Variants in AATK observed in about 807,000 individuals in gnomAD.
The protein encoded by AATK is lemur tail kinase 1.
AATK carries 91 observed loss-of-function variants against 114.3 expected under a neutral mutation model. That is an observed-to-expected ratio of 0.80 (90% confidence interval 0.67 to 0.95). The LOEUF (loss-of-function observed/expected upper bound fraction) is 0.95, where lower values mean the gene tolerates loss of function less well. Among genes scored for constraint, AATK ranks in the 40% least tolerant of loss-of-function variants. AATK has a pLI of 0.00. For missense variants in AATK, 2,176 were observed against 1,965.2 expected, an observed-to-expected ratio of 1.11 and a Z score of -2.03; for synonymous variants, 1,075 against 916.5, an observed-to-expected ratio of 1.17 and a Z score of -3.12.
chr17:81,123,078 G>A, intron 10 of AATK, 116 bp downstream of exon 10: 3 of 1,191,640 alleles, frequency 2.5e-6, no homozygotes, highest in Non-Finnish European at 3.3e-6. Flanking sequence ...TACCAGAGGG[G>A]AGGGGAGACC....
intron 1 of AATK, among the ~76,000 whole-genome samples, chr17:81,162,954 C>T (rs1231658103): frequency 6.6e-6 from 1 of 152,196 alleles, no homozygotes; most frequent in Non-Finnish European, 1.5e-5. Flanking sequence ...AGGCACTGCC[C>T]AGGTACCCAC....
intron 1 of AATK, chr17:81,165,511 C>T (rs1010119069): frequency 4.7e-6 from 3 of 637,350 alleles, no homozygotes; most frequent in East Asian, 6.5e-5. Context: ...CTCTGAGAAT[C>T]GCTCCCAGCC....
At chr17:81,124,582 A>G (rs1042281405) in intron 9 of AATK, 145 bp downstream of exon 9, 13 of 1,409,954 alleles carry the variant, frequency 9.2e-6, no homozygotes, top group African/African-American at 1.4e-5. Context: ...TCGCCACCCA[A>G]CCAGCCACTT....
intron 13 of AATK, among the ~76,000 whole-genome samples, chr17:81,118,960 G>A (rs953240315): frequency 1.3e-5 from 2 of 152,238 alleles, no homozygotes; most frequent in Non-Finnish European, 1.5e-5. Flanking sequence ...GGAGGGCCAT[G>A]GCCGGGAGCG....
At chr17:81,156,373 C>T (rs1285902445) in intron 1 of AATK, among the ~76,000 whole-genome samples, 1 of 151,928 alleles carries the variant, frequency 6.6e-6, no homozygotes, top group Non-Finnish European at 1.5e-5. Flanking sequence ...CAAATAAATC[C>T]CTTTTCAAAT....
Position 81,121,719 on chromosome 17 carries a change from T to C in AATK, c.2217A>G (p.Pro739=). The change falls in exon 11 of 14, where the codon CCA becomes CCG. Residue 739 remains proline (P), a synonymous_variant. Transcript: ENST00000326724. ...LGLQAASAQE[P]GCCPGLPHLC... ...GATGAGGGAGGCCGGGGCAGCAGCC[T>C]GGCTCCTGGGCAGAGGCTGCCTGGA... 1 of 1,494,828 alleles carries C rather than the reference T, an allele frequency of 6.7e-7. No individual in the cohort carries two copies. Among genetic ancestry groups the C allele is most frequent in the Non-Finnish European group, 8.9e-7 (1 of 1,127,074 alleles). 92.6% of individuals were successfully genotyped at this position (1,494,828 alleles called of 1,614,324 possible). A position where few individuals can be genotyped will look rare whatever the true frequency, so the allele number is the denominator to read the frequency against.
chr17:81,137,674 A>AT (rs1242110173), intron 1 of AATK, among the ~76,000 whole-genome samples: 1 of 152,126 alleles, frequency 6.6e-6, no homozygotes, highest in Non-Finnish European at 1.5e-5. Context: ...ATGCCCACGT[A>AT]TGTGCATGCA....
chr17:81,127,079 G>T (rs2060844756), intron 6 of AATK, among the ~76,000 whole-genome samples: 1 of 145,662 alleles, frequency 6.9e-6, no homozygotes, highest in Admixed American at 6.7e-5. Flanking sequence ...CGGGGGAGGG[G>T]GAGACGGGTC....
chr17:81,157,086 C>A (rs1354664013), intron 1 of AATK, among the ~76,000 whole-genome samples: 4 of 152,178 alleles, frequency 2.6e-5, no homozygotes, highest in Admixed American at 2.0e-4. Context: ...CAGATGTGGG[C>A]ACCATCTGCC....
At chr17:81,137,055 C>T (rs1188007992) in intron 1 of AATK, among the ~76,000 whole-genome samples, 3 of 151,978 alleles carry the variant, frequency 2.0e-5, no homozygotes, top group South Asian at 2.1e-4. Context: ...GTCAGGAGTT[C>T]GAGACCAGCC....
At chr17:81,146,753 T>C (rs570686739) in intron 1 of AATK, among the ~76,000 whole-genome samples, 46 of 151,798 alleles carry the variant, frequency 3.0e-4, no homozygotes, top group African/African-American at 1.1e-3. Flanking sequence ...AACTGCCCAA[T>C]CCGTGAGAAA....
chr17:81,137,909 C>T (rs1193312651), intron 1 of AATK, among the ~76,000 whole-genome samples: 4 of 103,424 alleles, frequency 3.9e-5, no homozygotes, highest in Admixed American at 2.3e-4. Flanking sequence ...CACATACACA[C>T]GGGCACACGT....
chr17:81,141,154 A>G (rs920614156), intron 1 of AATK, among the ~76,000 whole-genome samples: 1 of 152,186 alleles, frequency 6.6e-6, no homozygotes, highest in East Asian at 1.9e-4. Context: ...ACTATAGCCC[A>G]TGAAAGTGAC....
chr17:81,120,729 G>A lies in AATK; in HGVS notation c.3207C>T (p.Pro1069=), dbSNP rs1245413162. ...LLQLEGSSPE[P]STCPSGLVPE... is the part of the protein sequence containing the mutation. ...GGACCAGGCCCGAGGGGCAGGTGCT[G>A]GGCTCTGGGGAGGACCCTTCAAGCT... is the stretch of plus-strand genomic sequence containing the variant. The change falls in exon 11 of 14, where the codon CCC becomes CCT. Residue 1069 remains proline (P), a synonymous_variant. Transcript: ENST00000326724. 5 of 1,565,184 alleles carry A rather than the reference G, an allele frequency of 3.2e-6. No homozygotes were observed. The highest frequency in any genetic ancestry group is 1.7e-4 in the Middle Eastern group (1 of 5,822).
In AATK at chr17:81,121,778, CG is replaced by C; in HGVS notation, c.2157del (p.Glu720SerfsTer125). On this transcript the variant is annotated frameshift_variant, in exon 11 of 14. Transcript: ENST00000326724. LOFTEE classifies it high-confidence loss of function. ...AGAGGCTCTCCAGGGTACCCCGGCTCGGGGGAGGCCCGTGGGGTCTGCTTTG... is the reference window on the plus strand; with the variant it reads ...AGAGGCTCTCCAGGGTACCCCGGCTCGGGGAGGCCCGTGGGGTCTGCTTTG... ...PSPKQTPRAS[P>X]EPGYPGEPLL... 1.3e-6 allele frequency: 2 copies of C among 1,545,452 alleles called. No homozygotes were observed. The highest frequency in any genetic ancestry group is 1.9e-5 in the Admixed American group (1 of 53,334).
chr17:81,132,100 G>T, intron 2 of AATK: 1 of 1,118,296 alleles, frequency 8.9e-7, no homozygotes, highest in Non-Finnish European at 1.2e-6. Context: ...ACATTCCTGC[G>T]CTGAGAGCCA....
At position 81,126,557 on chromosome 17, in the gene AATK, C is replaced by A. The variant is rs1363887351; in HGVS notation, c.625G>T (p.Asp209Tyr). The stretch of plus-strand genomic sequence containing the variant: ...CAGCTCCGCAGGTAGCCCTTGAGGT[C>A]CCCCTGCAGAAAGGGGGTGTGGCGC... ...LLVMEFCPLG[D>Y]LKGYLRSCRV... Residue 209 changes from aspartate (D) to tyrosine (Y), a missense_variant, in exon 7 of 14, where the codon GAC (aspartate) becomes TAC (tyrosine). Asp to Tyr is a radical substitution (Grantham distance 160). Around this residue, in one of 4 missense-constraint regions of AATK, gnomAD observed 273 missense variants for 344.1 expected, o/e 0.79. Transcript: ENST00000326724. The surrounding 1 kb of genome is among the most constrained non-coding windows in gnomAD (Gnocchi z 5.1). 1.3e-6 allele frequency: 2 copies of A among 1,539,630 alleles called. No homozygotes were observed. The highest frequency in any genetic ancestry group is 2.7e-5 in the African/African-American group (2 of 72,870).
chr17:81,133,981 C>A (rs953564967), intron 2 of AATK, among the ~76,000 whole-genome samples: 1 of 152,150 alleles, frequency 6.6e-6, no homozygotes, highest in Non-Finnish European at 1.5e-5. Flanking sequence ...CGTGAGAGCC[C>A]CTTGCAGAGG....
chr17:81,147,920 C>A (rs534356087), intron 1 of AATK, among the ~76,000 whole-genome samples: 1 of 152,130 alleles, frequency 6.6e-6, no homozygotes, highest in Non-Finnish European at 1.5e-5. Context: ...ATTTGATGAG[C>A]TTTGACGTCT....
Sources: gnomAD v4.1 joint callset for allele counts (sites outside exome capture counted in the v4.1 genomes callset) on GRCh38, gnomAD v4.1.1 for gene constraint, gnomAD v4.1.1 regional missense constraint, Gnocchi (gnomAD v3.1) non-coding constraint, MANE v1.5 for transcripts, NCBI Gene and HGNC (gene_info 2026-07-23, HGNC 2026-07-21) for gene names.